FNDC3A: variants seen among roughly 807,000 people sequenced by gnomAD.
The protein encoded by FNDC3A is fibronectin type III domain containing 3A.
FNDC3A carries 32 observed loss-of-function variants against 148.9 expected under a neutral mutation model. The ratio of observed to expected loss-of-function variants is 0.21; its 90% CI spans 0.16 to 0.29. The LOEUF (loss-of-function observed/expected upper bound fraction) is 0.29, where lower values mean the gene tolerates loss of function less well. FNDC3A is among the 10% of genes least tolerant of loss of function. The pLI is 1.00. For missense variants in FNDC3A, 1,191 were observed against 1,452.8 expected (o/e 0.82, Z 2.93); for synonymous variants, 472 against 473.6 (o/e 1.00, Z 0.04).
chr13:49,115,832 A>G (rs143496069), intron 4 of FNDC3A, among the ~76,000 whole-genome samples: 99 of 152,328 alleles, frequency 6.5e-4, no homozygotes, highest in African/African-American at 2.0e-3. Context: ...GCTTTCCGCT[A>G]TGTACCAAAT....
chr13:49,130,355 T>C (rs1881953327), intron 4 of FNDC3A, among the ~76,000 whole-genome samples: 1 of 152,168 alleles, frequency 6.6e-6, no homozygotes, highest in East Asian at 1.9e-4. Flanking sequence ...ATTGTCCTGG[T>C]CATGGTCATA....
chr13:49,003,815 A>G (rs1952172162), intron 1 of FNDC3A, among the ~76,000 whole-genome samples: 2 of 152,182 alleles, frequency 1.3e-5, no homozygotes, highest in Non-Finnish European at 2.9e-5. Flanking sequence ...TTTCACCCAG[A>G]GTCTGCAACT....
intron 7 of FNDC3A, among the ~76,000 whole-genome samples, chr13:49,139,538 T>C (rs1228520424): frequency 6.6e-6 from 1 of 152,194 alleles, no homozygotes; most frequent in Non-Finnish European, 1.5e-5. Context: ...TTTTTAAGCT[T>C]ATCTTGCCAT....
At chr13:49,112,748 A>G (rs1880657215) in intron 3 of FNDC3A, among the ~76,000 whole-genome samples, 1 of 152,134 alleles carries the variant, frequency 6.6e-6, no homozygotes. Context: ...CACATCTAGA[A>G]AATGGAGATG....
At chr13:48,993,955 A>T (rs1442705593) in intron 1 of FNDC3A, among the ~76,000 whole-genome samples, 2 of 152,286 alleles carry the variant, frequency 1.3e-5, no homozygotes, top group East Asian at 3.9e-4. Flanking sequence ...GATATAGAAA[A>T]CTGTGTTTCA....
chr13:49,156,569 T>A (rs1047091808), intron 8 of FNDC3A, among the ~76,000 whole-genome samples: 3 of 150,154 alleles, frequency 2.0e-5, no homozygotes, highest in Admixed American at 1.3e-4. Context: ...CATTATGATG[T>A]TAGCTGGTGA....
chr13:48,981,627 A>G (rs755328609), intron 1 of FNDC3A, among the ~76,000 whole-genome samples: 38 of 152,094 alleles, frequency 2.5e-4, no homozygotes, highest in Admixed American at 5.9e-4. Context: ...CCTGCCAGAT[A>G]TGTGGTGGTA....
At chr13:49,134,737 C>T (rs1882229227) in intron 5 of FNDC3A, among the ~76,000 whole-genome samples, 1 of 146,616 alleles carries the variant, frequency 6.8e-6, no homozygotes, top group African/African-American at 2.5e-5. Flanking sequence ...TTTGCTTTTC[C>T]CTAATGCTAC....
intron 3 of FNDC3A, among the ~76,000 whole-genome samples, chr13:49,112,846 A>G (rs1028174542): frequency 6.6e-6 from 1 of 152,320 alleles, no homozygotes; most frequent in African/African-American, 2.4e-5. Flanking sequence ...AGTATTAGCT[A>G]TATATAATTA....
At chr13:49,051,234 G>GT (rs1255673448) in intron 2 of FNDC3A, among the ~76,000 whole-genome samples, 5 of 151,876 alleles carry the variant, frequency 3.3e-5, no homozygotes, top group Non-Finnish European at 5.9e-5. Flanking sequence ...GTTTTGTTTT[G>GT]TTTTTTCATT....
At chr13:49,080,393 C>T (rs1323210994) in intron 3 of FNDC3A, among the ~76,000 whole-genome samples, 1 of 152,120 alleles carries the variant, frequency 6.6e-6, no homozygotes, top group African/African-American at 2.4e-5. Flanking sequence ...TTTTTTCCCC[C>T]TTCTTTAACC....
chr13:49,193,479 C>G (rs1355487235), intron 19 of FNDC3A, among the ~76,000 whole-genome samples: 3 of 152,126 alleles, frequency 2.0e-5, no homozygotes, highest in African/African-American at 7.2e-5. Context: ...CCAGGTTGGT[C>G]TCAAACTCTC....
intron 1 of FNDC3A, among the ~76,000 whole-genome samples, chr13:49,000,897 T>G (rs1952111909): frequency 2.0e-5 from 3 of 152,194 alleles, no homozygotes; most frequent in Admixed American, 6.5e-5. Context: ...AATGAATTTT[T>G]ATGTATTGAT....
intron 1 of FNDC3A, among the ~76,000 whole-genome samples, chr13:49,001,114 G>A (rs1420510374): frequency 6.6e-6 from 1 of 152,182 alleles, no homozygotes; most frequent in Non-Finnish European, 1.5e-5. Flanking sequence ...ATCAGCTGAA[G>A]CCATGGCAGA....
At chr13:48,994,655 G>A (rs1351679758) in intron 1 of FNDC3A, among the ~76,000 whole-genome samples, 1 of 152,070 alleles carries the variant, frequency 6.6e-6, no homozygotes, top group Non-Finnish European at 1.5e-5. Context: ...GCGCATGCCT[G>A]TAATCCCAGC....
intron 2 of FNDC3A, among the ~76,000 whole-genome samples, chr13:49,020,277 G>T (rs144881170): frequency 6.6e-6 from 1 of 152,216 alleles, no homozygotes; most frequent in East Asian, 1.9e-4. Flanking sequence ...TCATGTTAAT[G>T]ATACACGATT....
chr13:49,005,346 A>G (rs570456898), intron 1 of FNDC3A, among the ~76,000 whole-genome samples: 3 of 152,038 alleles, frequency 2.0e-5, no homozygotes, highest in East Asian at 1.9e-4. Flanking sequence ...CAGTGTATTT[A>G]TGATTATACT....
intron 15 of FNDC3A, among the ~76,000 whole-genome samples, chr13:49,186,469 A>G (rs949010595): frequency 1.3e-5 from 2 of 152,250 alleles, no homozygotes; most frequent in Non-Finnish European, 2.9e-5. Flanking sequence ...CCTAATGGAA[A>G]AACAAAGATC....
At chr13:49,144,381 T>G (rs1044661713) in intron 7 of FNDC3A, among the ~76,000 whole-genome samples, 1 of 152,182 alleles carries the variant, frequency 6.6e-6, no homozygotes, top group African/African-American at 2.4e-5. Context: ...TAATAGTTTT[T>G]TTTATTCAGA....
Sources: allele counts gnomAD v4.1 joint callset (sites outside exome capture counted in the v4.1 genomes callset), GRCh38; gene constraint gnomAD v4.1.1; transcripts MANE v1.5; gene names NCBI Gene and HGNC (gene_info 2026-07-23, HGNC 2026-07-21).